PLXNA2: variants seen among roughly 807,000 people sequenced by gnomAD.
The protein encoded by PLXNA2 is plexin-A2.
PLXNA2 carries 91 observed loss-of-function variants against 193.5 expected under a neutral mutation model. The ratio of observed to expected loss-of-function variants is 0.47; its 90% CI spans 0.40 to 0.56. The LOEUF (loss-of-function observed/expected upper bound fraction) is 0.56. Ranked by LOEUF, PLXNA2 falls within the 20% of genes least tolerant of loss-of-function variation. The pLI, the probability that PLXNA2 is intolerant of heterozygous loss-of-function variation, is 0.00. For synonymous variants in PLXNA2, 997 were observed against 1,027.3 expected, an observed-to-expected ratio of 0.97 and a Z score of 0.56; for missense variants, 1,995 against 2,503.2, an observed-to-expected ratio of 0.80 and a Z score of 4.33.
intron 3 of PLXNA2, among the ~76,000 whole-genome samples, chr1:208,191,796 T>C (rs1401464394): frequency 6.6e-6 from 1 of 152,172 alleles, no homozygotes; most frequent in African/African-American, 2.4e-5. Context: ...ATGAAGCACA[T>C]GGGGGCTTCC....
chr1:208,031,648 G>A lies in PLXNA2; in HGVS notation c.5167C>T (p.Gln1723Ter). ...TCATGGATGCTGTGCCTGTCTGCCTGCTCATCTAGGAAATCAAACATGTAC... is the reference window on the plus strand; with the variant it reads ...TCATGGATGCTGTGCCTGTCTGCCTACTCATCTAGGAAATCAAACATGTAC... Reference protein sequence around the residue: ...IKYMFDFLDEQADRHSIHDTD... With the variant: ...IKYMFDFLDE The change falls in exon 29 of 32, where the codon CAG becomes TAG. Residue 1723 changes from glutamine to a stop codon, truncating the protein, a stop_gained. Coordinates refer to ENST00000367033, the MANE Select transcript of PLXNA2 (RefSeq NM_025179.4). LOFTEE classifies it high-confidence loss of function. The A allele has an allele frequency of 6.2e-7, 1 of 1,613,986 alleles. No individual in the cohort carries two copies.
intron 12 of PLXNA2, among the ~76,000 whole-genome samples, chr1:208,069,400 G>T (rs953324161): frequency 6.6e-6 from 1 of 152,202 alleles, no homozygotes; most frequent in South Asian, 2.1e-4. Context: ...CTCCGTGGGT[G>T]CCATGACCTG....
At chr1:208,115,784 C>T (rs1476028330) in intron 4 of PLXNA2, among the ~76,000 whole-genome samples, 1 of 152,118 alleles carries the variant, frequency 6.6e-6, no homozygotes, top group Admixed American at 6.5e-5. Context: ...ATGATTGAGA[C>T]ATGGTAAAAG....
Position 208,045,082 on chromosome 1 carries a change from C to A in PLXNA2, c.3624G>T (p.Gly1208=). ...QLLCEPPNLT[G]QHKVMVHVGG... ...GCTCACTCACCATGACCTTGTGCTG[C>A]CCGGTGAGGTTGGGAGGCTCGCAGA... The change falls in exon 19 of 32, where the codon GGG becomes GGT. Residue 1208 remains glycine (G), a synonymous_variant. Transcript: ENST00000367033. 1.1e-5 allele frequency: 18 copies of A among 1,614,052 alleles called. No homozygotes were observed. The highest frequency in any genetic ancestry group is 1.5e-5 in the Non-Finnish European group (18 of 1,180,014).
chr1:208,091,198 A>T (rs1406875876), intron 9 of PLXNA2, among the ~76,000 whole-genome samples: 2 of 152,228 alleles, frequency 1.3e-5, no homozygotes, highest in African/African-American at 4.8e-5. Flanking sequence ...CACCTGTGGC[A>T]TCTATGTTTC....
chr1:208,027,097 A>G lies in PLXNA2; in HGVS notation c.*146T>C. The G allele has an allele frequency of 1.4e-6, 1 of 710,858 alleles. No individual in the cohort carries two copies. The highest frequency in any genetic ancestry group is 2.4e-6 in the Non-Finnish European group (1 of 423,666). The allele number at this position is 710,858 out of a possible 1,614,324, so 44.0% of individuals were successfully genotyped here. On this transcript the variant is annotated 3_prime_UTR_variant, in exon 32 of 32. Coordinates refer to ENST00000367033, the MANE Select transcript of PLXNA2 (RefSeq NM_025179.4). ...ATGACGAAACTTGGCTGGCGTAGGG[A>G]GAGGAGTCCTCCCCTCTCCCCAGGA...
intron 1 of PLXNA2, among the ~76,000 whole-genome samples, chr1:208,240,843 C>T (rs775920743): frequency 6.6e-6 from 1 of 151,886 alleles, no homozygotes; most frequent in Non-Finnish European, 1.5e-5. Flanking sequence ...TGCCTCAGTT[C>T]GTGTGTGTGG....
intron 3 of PLXNA2, among the ~76,000 whole-genome samples, chr1:208,159,896 G>A (rs1175441101): frequency 1.3e-5 from 2 of 152,194 alleles, no homozygotes; most frequent in African/African-American, 4.8e-5. Flanking sequence ...TGGCACTTGG[G>A]GGATTTTACA....
At chr1:208,215,284 C>T (rs1216924201) in intron 2 of PLXNA2, among the ~76,000 whole-genome samples, 1 of 152,198 alleles carries the variant, frequency 6.6e-6, no homozygotes, top group South Asian at 2.1e-4. Context: ...GTGTGAGCCA[C>T]CGCACCCAGC....
At chr1:208,141,489 C>A (rs1383455978) in intron 4 of PLXNA2, among the ~76,000 whole-genome samples, 1 of 152,156 alleles carries the variant, frequency 6.6e-6, no homozygotes, top group Non-Finnish European at 1.5e-5. Flanking sequence ...ACTGGCAATC[C>A]TTTTCCTCAT....
intron 4 of PLXNA2, among the ~76,000 whole-genome samples, chr1:208,124,490 C>A (rs1257392155): frequency 6.6e-6 from 1 of 151,902 alleles, no homozygotes; most frequent in Non-Finnish European, 1.5e-5. Flanking sequence ...GCCAGCCTGG[C>A]CAACATGGCG....
intron 12 of PLXNA2, among the ~76,000 whole-genome samples, chr1:208,064,459 C>T (rs969930233): frequency 6.6e-6 from 1 of 152,218 alleles, no homozygotes; most frequent in Admixed American, 6.5e-5. Flanking sequence ...TTCAATAGCA[C>T]ATCCTTCATG....
intron 1 of PLXNA2, among the ~76,000 whole-genome samples, chr1:208,238,514 C>T (rs894561428): frequency 8.5e-5 from 13 of 152,160 alleles, no homozygotes; most frequent in Non-Finnish European, 1.5e-4. Flanking sequence ...TGGTCTCCTG[C>T]CCATCCCAAT....
intron 4 of PLXNA2, among the ~76,000 whole-genome samples, chr1:208,125,656 T>C (rs1571944714): frequency 6.6e-6 from 1 of 152,236 alleles, no homozygotes; most frequent in Non-Finnish European, 1.5e-5. Context: ...TGTGATCATA[T>C]TCAAACCGAA....
chr1:208,026,644 CTCTT>C lies in PLXNA2; in HGVS notation c.*595_*598del, dbSNP rs1426449302. On this transcript the variant is annotated 3_prime_UTR_variant, in exon 32 of 32. Coordinates refer to ENST00000367033, the MANE Select transcript of PLXNA2 (RefSeq NM_025179.4). ...ACTTGTGCTCATCATTCTTCTTCTC[CTCTT>C]TCTCTTTTTTTTTTTTTTTTTAATT... 3 of 75,630 alleles carry C rather than the reference CTCTT, an allele frequency of 4.0e-5. No homozygotes were observed. Among genetic ancestry groups the C allele is most frequent in the Admixed American group, 1.5e-4 (1 of 6,536 alleles). 4.7% of individuals were successfully genotyped at this position (75,630 alleles called of 1,614,324 possible).
intron 4 of PLXNA2, among the ~76,000 whole-genome samples, chr1:208,116,526 A>G (rs1254767768): frequency 2.0e-5 from 3 of 152,142 alleles, no homozygotes; most frequent in African/African-American, 4.8e-5. Context: ...CCATTCGGTG[A>G]CTTGAGGGCT....
In PLXNA2 at chr1:208,217,431, C is replaced by A. The variant is rs753696854; in HGVS notation, c.492G>T (p.Lys164Asn). The A allele has an allele frequency of 5.6e-6, 9 of 1,614,064 alleles. No individual in the cohort carries two copies. The highest frequency in any genetic ancestry group is 7.6e-6 in the Non-Finnish European group (9 of 1,180,046). The change falls in exon 2 of 32, where the codon AAG becomes AAT. Residue 164 changes from lysine (K) to asparagine (N), a missense_variant. Transcript: ENST00000367033. The surrounding 1 kb of genome is among the most constrained non-coding windows in gnomAD (Gnocchi z 4.7). ...KKEHYLSSVNKTGTMYGVIVR... is the reference protein window; with the variant it reads ...KKEHYLSSVNNTGTMYGVIVR... Reference sequence around the variant, plus strand: ...CAATCACCCCGTACATGGTGCCCGTCTTGTTGACACTGGACAGGTAGTGCT... The same window carrying A: ...CAATCACCCCGTACATGGTGCCCGTATTGTTGACACTGGACAGGTAGTGCT...
Position 208,217,180 on chromosome 1 carries a change from G to A in PLXNA2, c.743C>T (p.Ala248Val). 6.2e-7 allele frequency: 1 copy of A among 1,614,184 alleles called. No individual in the cohort carries two copies. Among genetic ancestry groups the A allele is most frequent in the Non-Finnish European group, 8.5e-7 (1 of 1,180,036 alleles). ...GAGAAAGTAGACAAAGCCCCCACTA[G>A]CAAAGCCGTAGATGTAGAAGATGTC... ...HFDIFYIYGFASGGFVYFLTV... is the reference protein window; with the variant it reads ...HFDIFYIYGFVSGGFVYFLTV... The change falls in exon 2 of 32, where the codon GCT becomes GTT. Residue 248 changes from alanine (A) to valine (V), a missense_variant. Transcript: ENST00000367033. This position sits in a 1 kb window ranked among gnomAD's most constrained non-coding sequence, Gnocchi z 4.7.
At chr1:208,098,458 T>TCTCTCTCTCACA (rs368366958) in intron 6 of PLXNA2, among the ~76,000 whole-genome samples, 2 of 123,522 alleles carry the variant, frequency 1.6e-5, no homozygotes, top group African/African-American at 6.3e-5. Flanking sequence ...TCTCTCTCTC[T>TCTCTCTCTCACA]CACACACACA....
Sources: gnomAD v4.1 joint callset for allele counts (sites outside exome capture counted in the v4.1 genomes callset) on GRCh38, gnomAD v4.1.1 for gene constraint, Gnocchi (gnomAD v3.1) non-coding constraint, MANE v1.5 for transcripts, NCBI Gene and HGNC (gene_info 2026-07-23, HGNC 2026-07-21) for gene names.